The following ALK variants were observed in gnomAD, a reference collection of about 807,000 sequenced individuals.
The protein encoded by ALK is ALK receptor tyrosine kinase, also known as ALK tyrosine kinase receptor.
ALK carries 74 observed loss-of-function variants against 163.1 expected under a neutral mutation model. The observed-to-expected ratio is 0.45, with a 90% confidence interval of 0.38 to 0.55. The LOEUF is 0.55. Ranked by LOEUF, ALK falls within the 20% of genes least tolerant of loss-of-function variation. The pLI is 0.00. For synonymous variants in ALK, 960 were observed against 843.2 expected, an observed-to-expected ratio of 1.14 and a Z score of -2.40; for missense variants, 2,063 against 2,105.3, an observed-to-expected ratio of 0.98 and a Z score of 0.39.
intron 8 of ALK, among the ~76,000 whole-genome samples, chr2:29,304,563 C>T (rs1666454549): frequency 6.6e-6 from 1 of 152,136 alleles, no homozygotes; most frequent in Non-Finnish European, 1.5e-5. Context: ...ATCCCTGTCC[C>T]TGTGCTCCTG....
At chr2:29,311,632 G>A (rs780531194) in intron 8 of ALK, among the ~76,000 whole-genome samples, 19 of 152,186 alleles carry the variant, frequency 1.2e-4, no homozygotes, top group Non-Finnish European at 1.6e-4. Flanking sequence ...GAGTGACCTC[G>A]TTGACGGCAG....
chr2:29,250,622 T>C (rs1165032697), intron 12 of ALK, among the ~76,000 whole-genome samples: 2 of 152,108 alleles, frequency 1.3e-5, no homozygotes, highest in Admixed American at 6.5e-5. Flanking sequence ...AAGGGAATAC[T>C]GGGGGCTGGG....
At chr2:29,301,116 G>A (rs1045147959) in intron 8 of ALK, among the ~76,000 whole-genome samples, 2 of 152,192 alleles carry the variant, frequency 1.3e-5, no homozygotes, top group African/African-American at 4.8e-5. Context: ...AATGAATGCG[G>A]GTTCCAGACT....
At chr2:29,243,747 C>A (rs1427713445) in intron 12 of ALK, among the ~76,000 whole-genome samples, 1 of 152,336 alleles carries the variant, frequency 6.6e-6, no homozygotes, top group Non-Finnish European at 1.5e-5. Flanking sequence ...CTCTCTGAAG[C>A]TTTCTTCCCA....
intron 1 of ALK, among the ~76,000 whole-genome samples, chr2:29,799,050 T>C (rs1260462964): frequency 6.6e-6 from 1 of 152,184 alleles, no homozygotes; most frequent in African/African-American, 2.4e-5. Flanking sequence ...CACACAGCTA[T>C]TGTGAGAAAT....
At chr2:29,673,495 C>T (rs1311661342) in intron 3 of ALK, among the ~76,000 whole-genome samples, 7 of 100,302 alleles carry the variant, frequency 7.0e-5, no homozygotes, top group East Asian at 2.6e-4. Context: ...TGTAGATATG[C>T]GGCGTTATTT....
chr2:29,625,946 T>C (rs1324250223), intron 3 of ALK, among the ~76,000 whole-genome samples: 1 of 152,210 alleles, frequency 6.6e-6, no homozygotes, highest in Non-Finnish European at 1.5e-5. Flanking sequence ...GAAAGGGCTT[T>C]GAAGATTCCT....
chr2:29,663,305 C>A (rs1319253189), intron 3 of ALK, among the ~76,000 whole-genome samples: 3 of 152,108 alleles, frequency 2.0e-5, no homozygotes, highest in South Asian at 4.1e-4. Flanking sequence ...ACCCAAAATT[C>A]TTTTATGGAG....
At chr2:29,532,170 G>A in intron 3 of ALK, 54 bp from the exon 4 acceptor site, 1 of 1,542,768 alleles carries the variant, frequency 6.5e-7, no homozygotes, top group Non-Finnish European at 8.9e-7. Flanking sequence ...AAGACCAGCA[G>A]TAGCTCTGTG....
intron 5 of ALK, among the ~76,000 whole-genome samples, chr2:29,379,086 C>G (rs191393292): frequency 1.1e-4 from 16 of 152,292 alleles, no homozygotes; most frequent in Non-Finnish European, 1.9e-4. Flanking sequence ...GTAGGCACCT[C>G]TGAACCTGAG....
intron 9 of ALK, among the ~76,000 whole-genome samples, chr2:29,290,916 G>A (rs1369581520): frequency 6.6e-5 from 10 of 152,152 alleles, no homozygotes; most frequent in South Asian, 2.1e-4. Flanking sequence ...GGCAGGGGCC[G>A]TGCGGGGAAT....
chr2:29,748,522 G>A (rs145410657), intron 1 of ALK, among the ~76,000 whole-genome samples: 12 of 152,106 alleles, frequency 7.9e-5, no homozygotes, highest in East Asian at 5.8e-4. Flanking sequence ...TGAACATGCC[G>A]CTGGTCAAAC....
chr2:29,682,949 C>T (rs985722951), intron 3 of ALK, among the ~76,000 whole-genome samples: 9 of 152,174 alleles, frequency 5.9e-5, no homozygotes, highest in Admixed American at 5.9e-4. Flanking sequence ...ACTATGCATG[C>T]TATCAGATTC....
At chr2:29,443,998 T>G (rs1558326449) in intron 4 of ALK, among the ~76,000 whole-genome samples, 1 of 152,206 alleles carries the variant, frequency 6.6e-6, no homozygotes, top group East Asian at 1.9e-4. Flanking sequence ...TACGCCCAAT[T>G]TGCAAAAGGA....
intron 3 of ALK, among the ~76,000 whole-genome samples, chr2:29,618,750 G>A (rs1675934002): frequency 6.6e-6 from 1 of 152,208 alleles, no homozygotes; most frequent in South Asian, 2.1e-4. Flanking sequence ...GGAGGCCAAG[G>A]CAGGTGGATT....
chr2:29,229,033 A>G lies in ALK; in HGVS notation c.2666T>C (p.Leu889Ser), dbSNP rs1203845715. The G allele has an allele frequency of 3.1e-6, 5 of 1,603,084 alleles. No individual in the cohort carries two copies. Among genetic ancestry groups the G allele is most frequent in the Non-Finnish European group, 3.4e-6 (4 of 1,173,962 alleles). Residue 889 changes from leucine (L) to serine (S), a missense_variant, in exon 16 of 29, where the codon TTG becomes TCG. Around this residue, in one of 5 missense-constraint regions of ALK, gnomAD observed 575 missense variants for 626.6 expected, o/e 0.92. Coordinates refer to ENST00000389048, the MANE Select transcript of ALK (RefSeq NM_004304.5). ...GGGGWNDNTS[L>S]LWAGKSLQEG... ...CTGCAAAGATTTTCCGGCCCAGAGCAAGGAAGTGTTATCATTCCAGCCACC... is the reference window on the plus strand; with the variant it reads ...CTGCAAAGATTTTCCGGCCCAGAGCGAGGAAGTGTTATCATTCCAGCCACC...
At chr2:29,864,780 G>T (rs575527201) in intron 1 of ALK, among the ~76,000 whole-genome samples, 1 of 152,186 alleles carries the variant, frequency 6.6e-6, no homozygotes, top group East Asian at 1.9e-4. Flanking sequence ...CAGTCCCAGG[G>T]TGCCTCTAAT....
At chr2:29,276,945 C>T (rs1665563358) in intron 9 of ALK, among the ~76,000 whole-genome samples, 1 of 152,108 alleles carries the variant, frequency 6.6e-6, no homozygotes, top group African/African-American at 2.4e-5. Flanking sequence ...TTGGAAGTCA[C>T]TGACTTGTAC....
intron 11 of ALK, among the ~76,000 whole-genome samples, chr2:29,267,258 T>C (rs1183522215): frequency 3.9e-5 from 6 of 152,146 alleles, no homozygotes; most frequent in African/African-American, 1.4e-4. Flanking sequence ...CAGTGAACCC[T>C]TCCCCAGTAG....
Sources: allele counts gnomAD v4.1 joint callset (sites outside exome capture counted in the v4.1 genomes callset), GRCh38; gene constraint gnomAD v4.1.1; regional missense constraint gnomAD v4.1.1; transcripts MANE v1.5; gene names NCBI Gene and HGNC (gene_info 2026-07-23, HGNC 2026-07-21).